The following MYRF variants were observed in gnomAD, a reference collection of about 807,000 sequenced individuals.
MYRF encodes myelin gene regulatory factor.
In MYRF, 16 loss-of-function variants were observed where a neutral mutation model predicts 126.3. The observed-to-expected ratio is 0.13, with a 90% CI of 0.09 to 0.19. MYRF has a LOEUF of 0.19. MYRF is among the 10% of genes least tolerant of loss of function. MYRF has a pLI of 1.00. For missense variants in MYRF, 1,104 were observed against 1,547.0 expected, an observed-to-expected ratio of 0.71 and a Z score of 4.80; for synonymous variants, 608 against 635.3, an observed-to-expected ratio of 0.96 and a Z score of 0.65.
Position 61,786,535 on chromosome 11 carries a change from C to T in MYRF, c.*392C>T, listed in dbSNP as rs1166294910. The T allele has an allele frequency of 4.4e-6, 1 of 229,688 alleles. No homozygotes were observed. The highest frequency in any genetic ancestry group is 8.7e-6 in the Non-Finnish European group (1 of 114,828). The allele number at this position is 229,688 out of a possible 1,614,324, so 14.2% of individuals were successfully genotyped here. On this transcript the variant is annotated 3_prime_UTR_variant, in exon 27 of 27. Transcript: ENST00000278836. This position sits in a 1 kb window ranked among gnomAD's most constrained non-coding sequence, Gnocchi z 4.5. ...TCCCCTTTTGAGACTGGAGCCAACC[C>T]TTTTGGAGAGAGGACCTGCCCACCT...
At position 61,752,708 on chromosome 11, in the gene MYRF, G is replaced by C; in HGVS notation, c.-37G>C. ...CCGCGCCCCCGGGCCGGGCTGTAGC[G>C]GGGCCGCGGCTGGAGTGTGCGCCGG... On this transcript the variant is annotated 5_prime_UTR_variant, in exon 1 of 27. Transcript: ENST00000278836. 1 of 1,340,886 alleles carries C rather than the reference G, an allele frequency of 7.5e-7. No individual in the cohort carries two copies. Among genetic ancestry groups the C allele is most frequent in the Non-Finnish European group, 9.5e-7 (1 of 1,047,606 alleles). 83.1% of individuals were successfully genotyped at this position (1,340,886 alleles called of 1,614,324 possible).
Position 61,785,803 on chromosome 11 carries a change from A to G in MYRF, c.3304A>G (p.Thr1102Ala). 1.2e-6 allele frequency: 2 copies of G among 1,613,690 alleles called. No individual in the cohort carries two copies. Among genetic ancestry groups the G allele is most frequent in the Non-Finnish European group, 1.7e-6 (2 of 1,179,676 alleles). Residue 1102 changes from threonine to alanine, a missense_variant, in exon 26 of 27, where the codon ACC becomes GCC. Physicochemically the swap from Thr to Ala is moderately conservative, Grantham distance 58. This residue lies in a region of MYRF where 94 missense variants were observed against 164.6 expected (regional missense o/e 0.57). Coordinates refer to ENST00000278836, the MANE Select transcript of MYRF (RefSeq NM_001127392.3). ...SLHTHQDTQG[T>A]SHRWPITILS... Reference sequence around the variant, plus strand: ...CCCCTCTCTCCCTTCTCTCCAGGGCACCTCTCACCGGTGGCCAATAACCAT... The same window carrying G: ...CCCCTCTCTCCCTTCTCTCCAGGGCGCCTCTCACCGGTGGCCAATAACCAT...
intron 1 of MYRF, among the ~76,000 whole-genome samples, chr11:61,764,121 G>A (rs2065981321): frequency 1.3e-5 from 2 of 152,226 alleles, no homozygotes; most frequent in South Asian, 2.1e-4. Flanking sequence ...CTAGCTGGGC[G>A]AGCTGGGGGT....
chr11:61,756,511 G>T (rs1565276464), intron 1 of MYRF, among the ~76,000 whole-genome samples: 1 of 152,032 alleles, frequency 6.6e-6, no homozygotes, highest in Non-Finnish European at 1.5e-5. Flanking sequence ...GGAGTAAGTA[G>T]ATGGGAGGGG....
chr11:61,762,436 C>A (rs2065923669), intron 1 of MYRF, among the ~76,000 whole-genome samples: 1 of 152,194 alleles, frequency 6.6e-6, no homozygotes. Context: ...TCCCTTCTCT[C>A]AGAGAGGTCT....
At position 61,778,987 on chromosome 11, in the gene MYRF, G is replaced by A; in HGVS notation, c.2014-276G>A. 1 of 643,812 alleles carries A rather than the reference G, an allele frequency of 1.6e-6. No individual in the cohort carries two copies. The highest frequency in any genetic ancestry group is 3.1e-5 in the East Asian group (1 of 31,974). The allele number at this position is 643,812 out of a possible 1,614,324, so 39.9% of individuals were successfully genotyped here. A position where few individuals can be genotyped will look rare whatever the true frequency, so the allele number is the denominator to read the frequency against. On this transcript the variant is annotated intron_variant, in intron 14 of 26. Coordinates refer to ENST00000278836, the MANE Select transcript of MYRF (RefSeq NM_001127392.3). This position sits in a 1 kb window ranked among gnomAD's most constrained non-coding sequence, Gnocchi z 4.6. ...TGCAGCCTTCAGGCTTAGGAGAGGAGAGCTCTGGCAGGGAGTGGGGAGGGC... is the reference window on the plus strand; with the variant it reads ...TGCAGCCTTCAGGCTTAGGAGAGGAAAGCTCTGGCAGGGAGTGGGGAGGGC...
chr11:61,777,569 G>T lies in MYRF; in HGVS notation c.1791+105G>T. ...TGACTACGCGGAAAGGCGGAGCTGC[G>T]GGGGAAGGAAGGGAGGGAGGCTGGC... On this transcript the variant is annotated intron_variant, in intron 12 of 26. Coordinates refer to ENST00000278836, the MANE Select transcript of MYRF (RefSeq NM_001127392.3). This position sits in a 1 kb window ranked among gnomAD's most constrained non-coding sequence, Gnocchi z 8.8. The T allele has an allele frequency of 7.0e-7, 1 of 1,425,152 alleles. No homozygotes were observed. Among genetic ancestry groups the T allele is most frequent in the South Asian group, 1.3e-5 (1 of 76,078 alleles). 88.3% of individuals were successfully genotyped at this position (1,425,152 alleles called of 1,614,324 possible).
At position 61,765,550 on chromosome 11, in the gene MYRF, G is replaced by A. The variant is rs2135743941; in HGVS notation, c.47-75G>A. The A allele has an allele frequency of 4.1e-6, 5 of 1,232,962 alleles. No individual in the cohort carries two copies. In the East Asian group the frequency reaches 1.3e-4, roughly 31 times the overall value. 76.4% of individuals were successfully genotyped at this position (1,232,962 alleles called of 1,614,324 possible). A position where few individuals can be genotyped will look rare whatever the true frequency, so the allele number is the denominator to read the frequency against. ...TTGGAGGGCCAGCCTGGGCAGGGAT[G>A]GAGGGCTGGGCCCTGAAGCCCAGGG... is the stretch of plus-strand genomic sequence containing the variant. On this transcript the variant is annotated intron_variant, in intron 1 of 26. Coordinates refer to ENST00000278836, the MANE Select transcript of MYRF (RefSeq NM_001127392.3).
intron 25 of MYRF, 185 bp downstream of exon 25, chr11:61,784,570 A>C: frequency 1.7e-6 from 1 of 592,028 alleles, no homozygotes; most frequent in Non-Finnish European, 3.0e-6. Context: ...GTGTTTGTTC[A>C]TTGCACTCTG....
chr11:61,774,639 G>A (rs1356416912), intron 8 of MYRF, among the ~76,000 whole-genome samples: 1 of 147,488 alleles, frequency 6.8e-6, no homozygotes, highest in Non-Finnish European at 1.5e-5. Flanking sequence ...CCCTGTGCCT[G>A]CCCCTCAGCC....
At position 61,786,260 on chromosome 11, in the gene MYRF, C is replaced by A; in HGVS notation, c.*117C>A. On this transcript the variant is annotated 3_prime_UTR_variant, in exon 27 of 27. Transcript: ENST00000278836. The surrounding 1 kb of genome is among the most constrained non-coding windows in gnomAD (Gnocchi z 4.5). Reference sequence around the variant, plus strand: ...GCAGGCCAGCTCTGCTGTTCACTGGCCCTACCCGAGACTGGTGAAACTGGA... The same window carrying A: ...GCAGGCCAGCTCTGCTGTTCACTGGACCTACCCGAGACTGGTGAAACTGGA... 2 of 966,558 alleles carry A rather than the reference C, an allele frequency of 2.1e-6. No homozygotes were observed. Among genetic ancestry groups the A allele is most frequent in the South Asian group, 1.4e-5 (1 of 70,462 alleles). 59.9% of individuals were successfully genotyped at this position (966,558 alleles called of 1,614,324 possible). A position where few individuals can be genotyped will look rare whatever the true frequency, so the allele number is the denominator to read the frequency against.
rs998685675 is a variant in MYRF, at chr11:61,778,073, G to A, written c.1903+228G>A. 6.6e-6 allele frequency among the ~76,000 whole-genome samples: 1 copy of A among 152,148 alleles called. No homozygotes were observed. Among genetic ancestry groups the A allele is most frequent in the African/African-American group, 2.4e-5 (1 of 41,426 alleles). On this transcript the variant is annotated intron_variant, in intron 13 of 26. Transcript: ENST00000278836. This position sits in a 1 kb window ranked among gnomAD's most constrained non-coding sequence, Gnocchi z 4.6. The stretch of plus-strand genomic sequence containing the variant: ...GTGGAAATCTGAGAATCACGGCCCA[G>A]GGACCCTCGCCCTTCGCGCTAGATG...
At chr11:61,772,089 C>A in intron 7 of MYRF, 137 bp downstream of exon 7, 1 of 1,294,598 alleles carries the variant, frequency 7.7e-7, no homozygotes, top group Non-Finnish European at 1.0e-6. Flanking sequence ...CAGGGAAGAG[C>A]CAGGACTGGC....
chr11:61,761,944 C>T (rs1305524342), intron 1 of MYRF, among the ~76,000 whole-genome samples: 11 of 152,256 alleles, frequency 7.2e-5, no homozygotes, highest in Non-Finnish European at 1.5e-5. Flanking sequence ...TGGACAGACA[C>T]TCATCCTGCC....
chr11:61,766,522 G>A, intron 3 of MYRF: 2 of 404,106 alleles, frequency 4.9e-6, no homozygotes, highest in Non-Finnish European at 4.4e-6. Context: ...CGGGACTGGA[G>A]GCTGTGACTG....
Position 61,780,880 on chromosome 11 carries a change from C to T in MYRF, c.2487-80C>T. On this transcript the variant is annotated intron_variant, in intron 19 of 26. Coordinates refer to ENST00000278836, the MANE Select transcript of MYRF (RefSeq NM_001127392.3). The stretch of plus-strand genomic sequence containing the variant: ...CTCCCTCTCTGCCTCTTCCTGCCCT[C>T]CTGCCTCTCCAGGACTGTCAGGCCC... 2.5e-6 allele frequency: 4 copies of T among 1,588,490 alleles called. No individual in the cohort carries two copies. In the South Asian group the frequency reaches 4.4e-5, roughly 18 times the overall value.
rs912741192 is a variant in MYRF, at chr11:61,777,808, C to T, written c.1866C>T (p.Ala622=). 1 of 1,552,438 alleles carries T rather than the reference C, an allele frequency of 6.4e-7. No homozygotes were observed. Among genetic ancestry groups the T allele is most frequent in the South Asian group, 1.2e-5 (1 of 84,122 alleles). The change falls in exon 13 of 27, where the codon GCC becomes GCT. Residue 622 remains alanine (A), a synonymous_variant. Transcript: ENST00000278836. The surrounding 1 kb of genome is among the most constrained non-coding windows in gnomAD (Gnocchi z 8.8). ...LVHYRYKPEF[A]ASAGIEATAP... is the part of the protein sequence containing the mutation. Reference sequence around the variant, plus strand: ...ACTACAGATACAAGCCCGAGTTCGCCGCCAGCGCGGGCATCGAGGCCACCG... The same window carrying T: ...ACTACAGATACAAGCCCGAGTTCGCTGCCAGCGCGGGCATCGAGGCCACCG...
Position 61,779,292 on chromosome 11 carries a change from C to A in MYRF, c.2043C>A (p.Ala681=). The A allele has an allele frequency of 3.2e-6, 5 of 1,547,548 alleles. No homozygotes were observed. Among genetic ancestry groups the A allele is most frequent in the Non-Finnish European group, 4.4e-6 (5 of 1,146,858 alleles). The change falls in exon 15 of 27, where the codon GCC becomes GCA. Residue 681 remains alanine, a synonymous_variant. Coordinates refer to ENST00000278836, the MANE Select transcript of MYRF (RefSeq NM_001127392.3). ...KERIFMENVG[A]VKELCKLTDN... is the part of the protein sequence containing the mutation. ...GCATCTTCATGGAGAACGTAGGGGC[C>A]GTGAAGGAGCTGTGCAAGCTGACAG...
At chr11:61,775,972 GC>G in intron 8 of MYRF, 83 bp from the exon 9 acceptor site, 1 of 1,337,466 alleles carries the variant, frequency 7.5e-7, no homozygotes. Flanking sequence ...CTCTAGTTGG[GC>G]CAGGCCTGGC....
Sources: allele counts gnomAD v4.1 joint callset (sites outside exome capture counted in the v4.1 genomes callset), GRCh38; gene constraint gnomAD v4.1.1; regional missense constraint gnomAD v4.1.1; non-coding constraint Gnocchi (gnomAD v3.1); transcripts MANE v1.5; gene names NCBI Gene and HGNC (gene_info 2026-07-23, HGNC 2026-07-21).